MYOF: variants seen among roughly 807,000 people sequenced by gnomAD.
MYOF encodes the protein myoferlin, also known as fer-1-like 3, myoferlin.
Under a neutral mutation model 284.2 loss-of-function variants are expected in MYOF, and 244 were observed. The observed-to-expected ratio is 0.86, with a 90% CI of 0.77 to 0.95. The LOEUF is 0.95. Ranked by LOEUF, MYOF falls within the 40% of genes least tolerant of loss-of-function variation. MYOF has a pLI of 0.00. For missense variants in MYOF, 2,496 were observed against 2,560.6 expected, an observed-to-expected ratio of 0.97 and a Z score of 0.54; for synonymous variants, 904 against 919.7, an observed-to-expected ratio of 0.98 and a Z score of 0.31.
At chr10:93,321,687 GCTCTTCCT>G (rs1842847726) in intron 48 of MYOF, among the ~76,000 whole-genome samples, 1 of 151,028 alleles carries the variant, frequency 6.6e-6, no homozygotes, top group South Asian at 2.1e-4. Flanking sequence ...CACCCTTACA[GCTCTTCCT>G]CTCTTTTTTT....
chr10:93,310,400 C>A, intron 52 of MYOF, 134 bp downstream of exon 52: 1 of 1,008,796 alleles, frequency 9.9e-7, no homozygotes, highest in South Asian at 1.7e-5. Flanking sequence ...ACCAACCTCT[C>A]CACCCCCACC....
chr10:93,333,217 T>C lies in MYOF; in HGVS notation c.4811+4A>G, dbSNP rs1307035144. 6.2e-7 allele frequency: 1 copy of C among 1,612,108 alleles called. No homozygotes were observed. Among genetic ancestry groups the C allele is most frequent in the Non-Finnish European group, 8.5e-7 (1 of 1,178,136 alleles). On this transcript the variant is annotated splice_donor_region_variant and intron_variant, in intron 43 of 53. Coordinates refer to ENST00000359263, the MANE Select transcript of MYOF (RefSeq NM_013451.4). ...CCAGAAAAACATTTAAGAATGTATA[T>C]TACCTGCCAAAGACTGGGTTGAGAG...
chr10:93,442,575 C>A (rs7923523), intron 3 of MYOF, among the ~76,000 whole-genome samples: 27,450 of 152,102 alleles, frequency 0.18, 2,915 homozygotes, highest in Middle Eastern at 0.27. Context: ...TCCTACAATA[C>A]GGCAAAACAG....
At chr10:93,428,528 T>G (rs1848696707) in intron 4 of MYOF, among the ~76,000 whole-genome samples, 1 of 149,886 alleles carries the variant, frequency 6.7e-6, no homozygotes, top group Non-Finnish European at 1.5e-5. Flanking sequence ...TAAATACACA[T>G]CCTATGCTTT....
chr10:93,467,304 T>C lies in MYOF; in HGVS notation c.89-10367A>G, dbSNP rs187777370. 4.4e-3 allele frequency among the ~76,000 whole-genome samples: 647 copies of C among 147,324 alleles called. 5 individuals carry two copies. Among genetic ancestry groups the C allele is most frequent in the African/African-American group, 0.015 (620 of 40,022 alleles). ...TAACATTAGGTATATCTCCTAATGC[T>C]ATCCCTCCCCCCTCCCCCGACCCCA... On this transcript the variant is annotated intron_variant, in intron 1 of 53. Transcript: ENST00000359263.
intron 25 of MYOF, among the ~76,000 whole-genome samples, 200 bp downstream of exon 25, chr10:93,369,445 G>A (rs776599553): frequency 2.0e-5 from 3 of 152,082 alleles, no homozygotes; most frequent in Non-Finnish European, 4.4e-5. Context: ...TAATCACCAT[G>A]GTGTGTTCCA....
intron 1 of MYOF, among the ~76,000 whole-genome samples, chr10:93,467,395 C>T (rs1303842293): frequency 2.5e-5 from 2 of 78,432 alleles, no homozygotes; most frequent in African/African-American, 8.1e-5. Context: ...CAGTTCCCAC[C>T]TATGAGTGAG....
At chr10:93,447,951 T>C (rs912127327) in intron 3 of MYOF, among the ~76,000 whole-genome samples, 1 of 152,154 alleles carries the variant, frequency 6.6e-6, no homozygotes, top group African/African-American at 2.4e-5. Flanking sequence ...GTGATCCTTT[T>C]AAAATATGTC....
At chr10:93,378,799 G>A (rs1431519749) in intron 21 of MYOF, among the ~76,000 whole-genome samples, 19 of 150,258 alleles carry the variant, frequency 1.3e-4, no homozygotes, top group East Asian at 3.9e-4. Context: ...TGCAACCTCC[G>A]TCTCCCGGGT....
At chr10:93,322,909 G>A (rs1214718488) in intron 48 of MYOF, among the ~76,000 whole-genome samples, 169 bp downstream of exon 48, 1 of 152,166 alleles carries the variant, frequency 6.6e-6, no homozygotes, top group Non-Finnish European at 1.5e-5. Context: ...TACAGGTCTT[G>A]CTCTCTCTCC....
chr10:93,388,563 C>T (rs1043410161), intron 18 of MYOF, among the ~76,000 whole-genome samples: 2 of 152,226 alleles, frequency 1.3e-5, no homozygotes, highest in African/African-American at 4.8e-5. Context: ...TTCTCTCTAG[C>T]TTGGTCTCTT....
At chr10:93,337,117 A>G (rs1843652066) in intron 40 of MYOF, among the ~76,000 whole-genome samples, 1 of 150,444 alleles carries the variant, frequency 6.6e-6, no homozygotes, top group South Asian at 2.1e-4. Context: ...TATGACAATA[A>G]CATGAAAAGG....
At chr10:93,459,340 A>G (rs1331979163) in intron 1 of MYOF, among the ~76,000 whole-genome samples, 1 of 152,208 alleles carries the variant, frequency 6.6e-6, no homozygotes, top group Non-Finnish European at 1.5e-5. Context: ...AACTGGACAA[A>G]ATGGTTTCTA....
chr10:93,402,918 T>A, intron 9 of MYOF, 28 bp from the exon 10 acceptor site: 1 of 1,588,824 alleles, frequency 6.3e-7, no homozygotes, highest in African/African-American at 1.3e-5. Context: ...GAAAGTAGTC[T>A]AAGTAGATTT....
At position 93,316,816 on chromosome 10, in the gene MYOF, A is replaced by G. The variant is rs771222284; in HGVS notation, c.5599-3T>C. On this transcript the variant is annotated splice_polypyrimidine_tract_variant and splice_region_variant and intron_variant, in intron 49 of 53. Coordinates refer to ENST00000359263, the MANE Select transcript of MYOF (RefSeq NM_013451.4). ...TGGTCAATACTCCAGAAATGCTCCTAAAACAAAAAGAAACATGATCATGAT... is the reference window on the plus strand; with the variant it reads ...TGGTCAATACTCCAGAAATGCTCCTGAAACAAAAAGAAACATGATCATGAT... 1.2e-6 allele frequency: 2 copies of G among 1,609,874 alleles called. No homozygotes were observed. Among genetic ancestry groups the G allele is most frequent in the African/African-American group, 2.7e-5 (2 of 74,840 alleles).
intron 48 of MYOF, among the ~76,000 whole-genome samples, chr10:93,322,763 C>T (rs1842895836): frequency 6.6e-6 from 1 of 152,150 alleles, no homozygotes; most frequent in South Asian, 2.1e-4. Context: ...TAAAAAGAAA[C>T]TACATGGCTA....
At chr10:93,386,066 A>C (rs763529518) in intron 19 of MYOF, among the ~76,000 whole-genome samples, 1 of 152,222 alleles carries the variant, frequency 6.6e-6, no homozygotes, top group Non-Finnish European at 1.5e-5. Context: ...TGATGGAACC[A>C]AATAAAAGAG....
At chr10:93,434,611 G>A (rs1849030762) in intron 3 of MYOF, among the ~76,000 whole-genome samples, 1 of 151,926 alleles carries the variant, frequency 6.6e-6, no homozygotes, top group African/African-American at 2.4e-5. Flanking sequence ...TGCTTTTCCT[G>A]CTGCTGTCAT....
chr10:93,427,117 A>G (rs111734152), intron 4 of MYOF, among the ~76,000 whole-genome samples: 19,772 of 150,322 alleles, frequency 0.13, 1,441 homozygotes, highest in Middle Eastern at 0.2. Context: ...CGATCTCCTG[A>G]CCACGTGATC....
Sources: allele counts gnomAD v4.1 joint callset (sites outside exome capture counted in the v4.1 genomes callset), GRCh38; gene constraint gnomAD v4.1.1; transcripts MANE v1.5; gene names NCBI Gene and HGNC (gene_info 2026-07-23, HGNC 2026-07-21).